Variants in FNIP1 observed in about 807,000 individuals in gnomAD.
FNIP1 encodes the protein folliculin interacting protein 1.
FNIP1 carries 40 observed loss-of-function variants against 124.5 expected under a neutral mutation model. The observed-to-expected ratio is 0.32, with a 90% confidence interval of 0.25 to 0.42. The LOEUF is 0.42. Among genes scored for constraint, FNIP1 ranks in the 10% least tolerant of loss-of-function variants. The pLI is 1.00. For missense variants in FNIP1, 1,176 were observed against 1,403.7 expected (o/e 0.84, Z 2.59); for synonymous variants, 472 against 470.6 (o/e 1.00, Z -0.04).
intron 11 of FNIP1, among the ~76,000 whole-genome samples, chr5:131,695,643 C>T (rs1768668333): frequency 6.6e-6 from 1 of 152,056 alleles, no homozygotes; most frequent in African/African-American, 2.4e-5. Context: ...AATAATCTTC[C>T]GAGGCCTGGC....
chr5:131,708,176 G>A (rs897678715), intron 8 of FNIP1, among the ~76,000 whole-genome samples: 5 of 152,122 alleles, frequency 3.3e-5, no homozygotes, highest in Admixed American at 2.6e-4. Flanking sequence ...TAGGTTACAC[G>A]AGAGTCTTTG....
At chr5:131,699,876 A>G (rs1205451156) in intron 10 of FNIP1, among the ~76,000 whole-genome samples, 1 of 129,268 alleles carries the variant, frequency 7.7e-6, no homozygotes, top group Non-Finnish European at 1.6e-5. Context: ...AGATCATGCC[A>G]CTGCTGCACT....
At chr5:131,718,326 T>C (rs1160295266) in intron 5 of FNIP1, among the ~76,000 whole-genome samples, 1 of 152,198 alleles carries the variant, frequency 6.6e-6, no homozygotes, top group Non-Finnish European at 1.5e-5. Flanking sequence ...ATTTCTGTAG[T>C]CTGGAGTAGC....
chr5:131,763,326 C>T lies in FNIP1; in HGVS notation c.93-18636G>A, dbSNP rs1010726823. Among the ~76,000 whole-genome samples, 3 of 143,386 alleles carry T rather than the reference C, an allele frequency of 2.1e-5. No individual in the cohort carries two copies. The Admixed American group carries it at 2.1e-4, about 10-fold the overall frequency. The allele number at this position is 143,386 out of a possible 152,430, so 94.1% of individuals were successfully genotyped here. ...ACACACACACACACACACACACACA[C>T]GACTACAATGGCCAGCAAAAGATTG... On this transcript the variant is annotated intron_variant, in intron 1 of 17. Coordinates refer to ENST00000510461, the MANE Select transcript of FNIP1 (RefSeq NM_133372.3).
chr5:131,700,852 G>A (rs1440904947), intron 10 of FNIP1, among the ~76,000 whole-genome samples: 1 of 151,872 alleles, frequency 6.6e-6, no homozygotes, highest in Non-Finnish European at 1.5e-5. Context: ...AACTACTATA[G>A]AACTTTAAAA....
At chr5:131,782,586 GA>G (rs1772031343) in intron 1 of FNIP1, among the ~76,000 whole-genome samples, 1 of 129,580 alleles carries the variant, frequency 7.7e-6, no homozygotes, top group Admixed American at 8.1e-5. Context: ...AAAAAAGAAA[GA>G]AAAAGAGAAA....
intron 13 of FNIP1, among the ~76,000 whole-genome samples, chr5:131,675,129 G>T (rs906772875): frequency 6.6e-6 from 1 of 152,108 alleles, no homozygotes; most frequent in African/African-American, 2.4e-5. Flanking sequence ...CAGTTAAACT[G>T]GACCACTGAA....
intron 7 of FNIP1, among the ~76,000 whole-genome samples, chr5:131,709,571 T>C (rs575738289): frequency 4.5e-4 from 69 of 152,260 alleles, no homozygotes; most frequent in African/African-American, 1.6e-3. Flanking sequence ...TACTATTAAA[T>C]GAAAAAAAGC....
chr5:131,706,350 C>A, intron 9 of FNIP1, 61 bp downstream of exon 9: 3 of 1,438,454 alleles, frequency 2.1e-6, no homozygotes, highest in South Asian at 1.6e-5. Context: ...CTAAAAAACC[C>A]ATATAAAATT....
At chr5:131,793,566 C>G (rs758997667) in intron 1 of FNIP1, among the ~76,000 whole-genome samples, 2 of 152,142 alleles carry the variant, frequency 1.3e-5, no homozygotes, top group Non-Finnish European at 2.9e-5. Flanking sequence ...TAGATAAGCA[C>G]ATAGAAATCG....
chr5:131,727,754 T>C (rs1004488912), intron 3 of FNIP1, among the ~76,000 whole-genome samples: 3 of 152,224 alleles, frequency 2.0e-5, no homozygotes, highest in African/African-American at 7.2e-5. Context: ...TGTTTGTTCA[T>C]GCTGTTTCTT....
chr5:131,722,141 G>A (rs1275804270), intron 3 of FNIP1, among the ~76,000 whole-genome samples: 1 of 152,166 alleles, frequency 6.6e-6, no homozygotes, highest in Non-Finnish European at 1.5e-5. Context: ...TCATTTACAT[G>A]CATTTGACAC....
intron 12 of FNIP1, among the ~76,000 whole-genome samples, chr5:131,678,637 C>G (rs1767980426): frequency 6.6e-6 from 1 of 151,942 alleles, no homozygotes; most frequent in African/African-American, 2.4e-5. Flanking sequence ...GTCTCGATCT[C>G]CTGACCTCGT....
At chr5:131,782,930 TG>T (rs1772044137) in intron 1 of FNIP1, among the ~76,000 whole-genome samples, 1 of 152,244 alleles carries the variant, frequency 6.6e-6, no homozygotes, top group Admixed American at 6.5e-5. Context: ...CCCGACGTGC[TG>T]GGATTACAGG....
At chr5:131,684,569 C>T (rs776232544) in intron 11 of FNIP1, among the ~76,000 whole-genome samples, 11 of 152,086 alleles carry the variant, frequency 7.2e-5, no homozygotes, top group Non-Finnish European at 1.5e-4. Flanking sequence ...TTTTATAACT[C>T]GCATGCTGTA....
intron 2 of FNIP1, among the ~76,000 whole-genome samples, chr5:131,738,866 G>C (rs1240781958): frequency 6.7e-6 from 1 of 148,616 alleles, no homozygotes; most frequent in Non-Finnish European, 1.5e-5. Context: ...ACTTAGGGTA[G>C]AGTGCAGTGG....
intron 1 of FNIP1, among the ~76,000 whole-genome samples, chr5:131,791,986 AACTGATAT>A (rs1206853330): frequency 6.6e-6 from 1 of 152,166 alleles, no homozygotes; most frequent in Admixed American, 6.5e-5. Flanking sequence ...TTTTACACAA[AACTGATAT>A]AACAGTAACA....
intron 13 of FNIP1, among the ~76,000 whole-genome samples, chr5:131,676,214 G>A (rs924364786): frequency 3.3e-5 from 5 of 152,010 alleles, no homozygotes; most frequent in Non-Finnish European, 7.4e-5. Flanking sequence ...CGATTTCACC[G>A]TGTTAAGCCA....
At chr5:131,728,990 T>A (rs1019148944) in intron 3 of FNIP1, among the ~76,000 whole-genome samples, 3 of 152,154 alleles carry the variant, frequency 2.0e-5, no homozygotes, top group Non-Finnish European at 4.4e-5. Flanking sequence ...CAGTCCCTGT[T>A]TGCCTGGGTA....
Sources: allele counts gnomAD v4.1 joint callset (sites outside exome capture counted in the v4.1 genomes callset), GRCh38; gene constraint gnomAD v4.1.1; transcripts MANE v1.5; gene names NCBI Gene and HGNC (gene_info 2026-07-23, HGNC 2026-07-21).